Variants in KAT6A observed in about 807,000 individuals in gnomAD.
The protein encoded by KAT6A is lysine acetyltransferase 6A.
KAT6A carries 9 observed loss-of-function variants against 198.4 expected under a neutral mutation model. That is an observed-to-expected ratio of 0.05 (90% CI 0.03 to 0.08). The LOEUF (loss-of-function observed/expected upper bound fraction) is 0.08, where lower values mean the gene tolerates loss of function less well. Among genes scored for constraint, KAT6A ranks in the 10% least tolerant of loss-of-function variants. The pLI, the probability that KAT6A is intolerant of heterozygous loss-of-function variation, is 1.00. For missense variants in KAT6A, 2,077 were observed against 2,509.9 expected, an observed-to-expected ratio of 0.83 and a Z score of 3.69; for synonymous variants, 890 against 883.0, an observed-to-expected ratio of 1.01 and a Z score of -0.14.
At chr8:41,945,222 T>A (rs1411374664) in intron 12 of KAT6A, among the ~76,000 whole-genome samples, 1 of 152,020 alleles carries the variant, frequency 6.6e-6, no homozygotes, top group Non-Finnish European at 1.5e-5. Flanking sequence ...CTAAAAAAAA[T>A]GCACACATTT....
chr8:41,930,453 A>C lies in KAT6A; in HGVS notation c.*1752T>G. 1 of 219,040 alleles carries C rather than the reference A, an allele frequency of 4.6e-6. No homozygotes were observed. The highest frequency in any genetic ancestry group is 9.2e-6 in the Non-Finnish European group (1 of 109,120). 13.6% of individuals were successfully genotyped at this position (219,040 alleles called of 1,614,324 possible). ...CGTTTCTACCTAGCACGCTTGAGAA[A>C]GTCAATTAAAGTGTATTAAAAAAAC... On this transcript the variant is annotated 3_prime_UTR_variant, in exon 17 of 17. Coordinates refer to ENST00000265713, the MANE Select transcript of KAT6A (RefSeq NM_006766.5).
rs189032018 is a variant in KAT6A, at chr8:41,937,876, C to G, written c.3040-308G>C. On this transcript the variant is annotated intron_variant, in intron 15 of 16. Transcript: ENST00000265713. ...CCTAGAGAGTTGCCCTGTTTTAATA[C>G]TGAACTGACCCAGAGGCTAATCCCT... is the stretch of plus-strand genomic sequence containing the variant. Among the ~76,000 whole-genome samples, 105 of 152,270 alleles carry G rather than the reference C, an allele frequency of 6.9e-4. 3 individuals are homozygous for G. The highest frequency in any genetic ancestry group is 6.9e-3 in the Admixed American group (105 of 15,300).
chr8:41,983,993 T>C (rs948860820), intron 3 of KAT6A, among the ~76,000 whole-genome samples: 2 of 152,260 alleles, frequency 1.3e-5, no homozygotes, highest in African/African-American at 4.8e-5. Context: ...TATACTTATA[T>C]AGCTTTTGGC....
intron 8 of KAT6A, among the ~76,000 whole-genome samples, chr8:41,961,743 C>T (rs901483219): frequency 6.5e-5 from 9 of 138,466 alleles, no homozygotes; most frequent in African/African-American, 2.2e-4. Flanking sequence ...CAGAGCGAGA[C>T]TCCATCTCAA....
chr8:41,951,258 C>G (rs989813640), intron 9 of KAT6A, among the ~76,000 whole-genome samples: 9 of 151,766 alleles, frequency 5.9e-5, no homozygotes, highest in African/African-American at 2.2e-4. Flanking sequence ...TTATTCCAAT[C>G]TAGTTCTCAC....
intron 2 of KAT6A, among the ~76,000 whole-genome samples, chr8:42,027,150 G>C (rs1420242875): frequency 6.6e-6 from 1 of 152,102 alleles, no homozygotes; most frequent in East Asian, 1.9e-4. Context: ...TTATCTTTTT[G>C]ATTGTTGCTG....
intron 16 of KAT6A, among the ~76,000 whole-genome samples, chr8:41,937,016 G>A (rs529729077): frequency 6.6e-6 from 1 of 152,322 alleles, no homozygotes; most frequent in Admixed American, 6.5e-5. Flanking sequence ...AAGAACAGTT[G>A]CCTAATAGTA....
At chr8:42,041,241 T>C (rs1188396685) in intron 2 of KAT6A, among the ~76,000 whole-genome samples, 1 of 149,228 alleles carries the variant, frequency 6.7e-6, no homozygotes, top group East Asian at 2.0e-4. Context: ...CTTAAACAGA[T>C]ACTATTTTAC....
intron 8 of KAT6A, among the ~76,000 whole-genome samples, chr8:41,964,057 C>T (rs1564026259): frequency 6.6e-6 from 1 of 152,110 alleles, no homozygotes; most frequent in African/African-American, 2.4e-5. Flanking sequence ...AATAACATCC[C>T]TAGATGTCTT....
chr8:42,025,620 C>G (rs1435941203), intron 2 of KAT6A, among the ~76,000 whole-genome samples: 1 of 152,028 alleles, frequency 6.6e-6, no homozygotes, highest in Non-Finnish European at 1.5e-5. Context: ...GTTTTCTTGT[C>G]TTTGAGTTGA....
rs766003153 is a variant in KAT6A, at chr8:41,934,594, T to G, written c.3626A>C (p.Glu1209Ala). ...GRKPKIQESE[E>A]TVEPKEDMPL... ...CATGTCTTCTTTTGGCTCAACAGTT[T>G]CTTCACTCTCCTGGATCTTGGGTTT... The change falls in exon 17 of 17, where the codon GAA becomes GCA. Residue 1209 changes from glutamate (E) to alanine (A), a missense_variant. By Grantham distance (107) the Glu-to-Ala change is moderately radical (BLOSUM62 -1). This residue lies in a region of KAT6A where 375 missense variants were observed against 383.0 expected (regional missense o/e 0.98). Transcript: ENST00000265713. 8 of 1,613,982 alleles carry G rather than the reference T, an allele frequency of 5.0e-6. No individual in the cohort carries two copies. The South Asian group carries it at 8.8e-5, about 18-fold the overall frequency.
At chr8:42,046,053 A>G (rs1802275288) in intron 2 of KAT6A, among the ~76,000 whole-genome samples, 1 of 152,144 alleles carries the variant, frequency 6.6e-6, no homozygotes, top group African/African-American at 2.4e-5. Context: ...CAGCTGCAAA[A>G]TAAGGACTTG....
chr8:41,979,913 G>A (rs1250833354), intron 5 of KAT6A, among the ~76,000 whole-genome samples: 1 of 152,102 alleles, frequency 6.6e-6, no homozygotes, highest in Admixed American at 6.5e-5. Context: ...GCAGAGAATC[G>A]CTTTGAACCT....
At chr8:41,935,361 T>C (rs1821795898) in intron 16 of KAT6A, among the ~76,000 whole-genome samples, 1 of 152,186 alleles carries the variant, frequency 6.6e-6, no homozygotes, top group Admixed American at 6.6e-5. Context: ...TCAGGTAGTA[T>C]GATGAGCCAA....
intron 2 of KAT6A, among the ~76,000 whole-genome samples, chr8:41,991,455 T>C (rs1375609341): frequency 6.6e-6 from 1 of 152,118 alleles, no homozygotes; most frequent in Non-Finnish European, 1.5e-5. Context: ...GTGGTCACCT[T>C]TGGAAAGGAA....
At chr8:42,009,047 G>A (rs776303489) in intron 2 of KAT6A, among the ~76,000 whole-genome samples, 1 of 152,178 alleles carries the variant, frequency 6.6e-6, no homozygotes, top group Non-Finnish European at 1.5e-5. Flanking sequence ...TTCATACCAA[G>A]TGTCTCAAAT....
At chr8:41,973,148 C>T (rs758964296) in intron 8 of KAT6A, among the ~76,000 whole-genome samples, 10 of 152,132 alleles carry the variant, frequency 6.6e-5, no homozygotes, top group Non-Finnish European at 1.5e-4. Context: ...ACATAATGAC[C>T]GACATCAACA....
In KAT6A at chr8:41,989,470, T is replaced by C. The variant is rs373903704; in HGVS notation, c.601-1907A>G. ...GTTGTAGTGAGCCGAGATCGCACCA[T>C]TGCACTCCAGCCTGGGTGACAAGAG... On this transcript the variant is annotated intron_variant, in intron 2 of 16. Transcript: ENST00000265713. Among the ~76,000 whole-genome samples, 124 of 151,978 alleles carry C rather than the reference T, an allele frequency of 8.2e-4. 1 individual carries two copies. The highest frequency in any genetic ancestry group is 3.4e-3 in the Middle Eastern group (1 of 294).
chr8:41,984,793 T>G (rs980549347), intron 3 of KAT6A, among the ~76,000 whole-genome samples: 1 of 151,826 alleles, frequency 6.6e-6, no homozygotes. Context: ...CCTGGTGAAG[T>G]AGAGATGGTG....
Sources: allele counts gnomAD v4.1 joint callset (sites outside exome capture counted in the v4.1 genomes callset), GRCh38; gene constraint gnomAD v4.1.1; regional missense constraint gnomAD v4.1.1; transcripts MANE v1.5; gene names NCBI Gene and HGNC (gene_info 2026-07-23, HGNC 2026-07-21).